MFN2: variants seen among roughly 807,000 people sequenced by gnomAD.
MFN2 encodes the protein mitofusin-2.
In MFN2, 43 loss-of-function variants were observed where a neutral mutation model predicts 87.5. The observed-to-expected ratio is 0.49, with a 90% CI of 0.38 to 0.63. MFN2 has a LOEUF of 0.63. MFN2 is among the 30% of genes least tolerant of loss of function. The probability of loss-of-function intolerance (pLI) is 0.00; values close to 1 mark genes in which losing one functional copy is unlikely to be tolerated. For synonymous variants in MFN2, 337 were observed against 359.9 expected (o/e 0.94, Z 0.72); for missense variants, 743 against 972.8 (o/e 0.76, Z 3.14).
chr1:12,009,778 C>T, intron 18 of MFN2, 52 bp downstream of exon 18: 1 of 1,612,772 alleles, frequency 6.2e-7, no homozygotes, highest in Non-Finnish European at 8.5e-7. Context: ...GCAGCCCAGG[C>T]ACACTGGGGC....
At chr1:12,008,927 C>T (rs1305212230) in intron 17 of MFN2, among the ~76,000 whole-genome samples, 2 of 152,210 alleles carry the variant, frequency 1.3e-5, no homozygotes, top group African/African-American at 2.4e-5. Flanking sequence ...ACTGAGTGAA[C>T]GAGACTCCAT....
At chr1:12,009,210 C>T (rs891324713) in intron 17 of MFN2, among the ~76,000 whole-genome samples, 3 of 151,486 alleles carry the variant, frequency 2.0e-5, no homozygotes, top group Non-Finnish European at 4.4e-5. Flanking sequence ...GAGAGGGAGA[C>T]CGTGGGGAGA....
chr1:11,997,493 C>A, intron 6 of MFN2, 72 bp downstream of exon 6: 18 of 1,601,424 alleles, frequency 1.1e-5, no homozygotes, highest in Non-Finnish European at 1.5e-5. Flanking sequence ...ATAATCTAGG[C>A]CAGGGTCCCT....
intron 18 of MFN2, 132 bp downstream of exon 18, chr1:12,009,858 A>G (rs931468380): frequency 4.4e-6 from 6 of 1,349,502 alleles, no homozygotes; most frequent in Non-Finnish European, 6.2e-6. Context: ...CATTCGTGTT[A>G]GATGTGTACC....
intron 1 of MFN2, among the ~76,000 whole-genome samples, chr1:11,980,734 A>G (rs1024594313): frequency 2.6e-5 from 4 of 151,922 alleles, no homozygotes; most frequent in Admixed American, 1.3e-4. Context: ...TCCACCCTTC[A>G]CGGCCATGTT....
chr1:11,993,096 A>G (rs1638763273), intron 4 of MFN2, among the ~76,000 whole-genome samples: 1 of 152,064 alleles, frequency 6.6e-6, no homozygotes, highest in African/African-American at 2.4e-5. Flanking sequence ...TTCATCTTGC[A>G]GAACTGAAGC....
intron 2 of MFN2, among the ~76,000 whole-genome samples, chr1:11,984,016 T>C (rs1421006676): frequency 6.6e-6 from 1 of 152,160 alleles, no homozygotes; most frequent in African/African-American, 2.4e-5. Context: ...AGGCTGGGTA[T>C]TAGTGAGAGC....
intron 17 of MFN2, among the ~76,000 whole-genome samples, chr1:12,009,019 G>A (rs187272755): frequency 1.3e-4 from 20 of 152,340 alleles, no homozygotes; most frequent in Middle Eastern, 3.4e-3. Flanking sequence ...CCAACACAGC[G>A]AAACCCCATC....
intron 18 of MFN2, 152 bp downstream of exon 18, chr1:12,009,878 G>T: frequency 8.5e-7 from 1 of 1,175,166 alleles, no homozygotes; most frequent in South Asian, 1.3e-5. Context: ...CATGGGCTGG[G>T]CACGGTGGCT....
Position 12,001,573 on chromosome 1 carries a change from G to A in MFN2, c.970+19G>A, listed in dbSNP as rs75865135. 1.2e-3 allele frequency: 1,989 copies of A among 1,614,104 alleles called. 18 individuals are homozygous for A. In the African/African-American group the frequency reaches 0.023, roughly 19 times the overall value. ...GAAGGAGGTAATGATGAGAACAGAT[G>A]TCCTCCTTTTCTCTGATGTTTGAGA... On this transcript the variant is annotated intron_variant, in intron 9 of 18. Transcript: ENST00000235329.
intron 4 of MFN2, among the ~76,000 whole-genome samples, chr1:11,993,639 G>T (rs1270748027): frequency 6.6e-6 from 1 of 151,438 alleles, no homozygotes; most frequent in African/African-American, 2.4e-5. Context: ...GGAGGCTAGG[G>T]CAGGAGAATG....
chr1:11,994,713 G>A (rs1289539975), intron 4 of MFN2, among the ~76,000 whole-genome samples: 1 of 152,206 alleles, frequency 6.6e-6, no homozygotes, highest in African/African-American at 2.4e-5. Flanking sequence ...GTAACCTCAG[G>A]TGTGGTCCTC....
chr1:11,995,708 G>A (rs1638880743), intron 4 of MFN2, among the ~76,000 whole-genome samples: 1 of 152,194 alleles, frequency 6.6e-6, no homozygotes. Flanking sequence ...GGACTCACAA[G>A]GTGGAGCTTC....
rs1366454766 is a variant in MFN2, at chr1:12,007,076, G to T, written c.1896G>T (p.Arg632=). ...GGVVWKAVGW[R]LIALSFGLYG... Reference sequence around the variant, plus strand: ...AGGTGTGGAAGGCAGTGGGCTGGCGGCTCATTGCCCTCTCCTTTGGGCTCT... The same window carrying T: ...AGGTGTGGAAGGCAGTGGGCTGGCGTCTCATTGCCCTCTCCTTTGGGCTCT... The change falls in exon 17 of 19, where the codon CGG becomes CGT. Residue 632 remains arginine (R), a synonymous_variant. Transcript: ENST00000235329. 6.2e-7 allele frequency: 1 copy of T among 1,613,902 alleles called. No individual in the cohort carries two copies.
At chr1:11,980,696 C>T (rs571645096) in intron 1 of MFN2, among the ~76,000 whole-genome samples, 38 of 152,202 alleles carry the variant, frequency 2.5e-4, no homozygotes, top group Non-Finnish European at 4.4e-4. Context: ...CGGTGGGGTC[C>T]CCTGTAGCTT....
At chr1:11,991,210 A>G (rs908655862) in intron 3 of MFN2, among the ~76,000 whole-genome samples, 2 of 152,184 alleles carry the variant, frequency 1.3e-5, no homozygotes, top group Admixed American at 1.3e-4. Context: ...TCACGTAGCA[A>G]ACATTTGTGC....
Position 12,004,965 on chromosome 1 carries a change from G to C in MFN2, c.1495+38G>C. The C allele has an allele frequency of 6.5e-7, 1 of 1,531,776 alleles. No individual in the cohort carries two copies. Among genetic ancestry groups the C allele is most frequent in the African/African-American group, 1.4e-5 (1 of 72,868 alleles). The allele number at this position is 1,531,776 out of a possible 1,614,324, so 94.9% of individuals were successfully genotyped here. ...GGGGAACTGGGCAGCTGTGGCCCTG[G>C]GCTGCCCAAAGATCAGATGCGGAGG... On this transcript the variant is annotated intron_variant, in intron 14 of 18. Transcript: ENST00000235329. The surrounding 1 kb of genome is among the most constrained non-coding windows in gnomAD (Gnocchi z 4.2).
chr1:11,980,671 G>A (rs1557508328), intron 1 of MFN2, among the ~76,000 whole-genome samples, 187 bp downstream of exon 1: 1 of 152,206 alleles, frequency 6.6e-6, no homozygotes, highest in Non-Finnish European at 1.5e-5. Context: ...GCGGGCCACG[G>A]GACCTGGGAC....
chr1:11,997,165 T>C, intron 5 of MFN2, 132 bp from the exon 6 acceptor site: 2 of 1,400,714 alleles, frequency 1.4e-6, no homozygotes, highest in Non-Finnish European at 2.0e-6. Flanking sequence ...CTGTTAACTT[T>C]TTATATGTGG....
Sources: gnomAD v4.1 joint callset for allele counts (sites outside exome capture counted in the v4.1 genomes callset) on GRCh38, gnomAD v4.1.1 for gene constraint, Gnocchi (gnomAD v3.1) non-coding constraint, MANE v1.5 for transcripts, NCBI Gene and HGNC (gene_info 2026-07-23, HGNC 2026-07-21) for gene names.